The following REV3L variants were observed in gnomAD, a reference collection of about 807,000 sequenced individuals.
The protein encoded by REV3L is DNA polymerase zeta catalytic subunit.
REV3L carries 69 observed loss-of-function variants against 299.4 expected under a neutral mutation model. The observed-to-expected ratio is 0.23, with a 90% CI of 0.19 to 0.28. The LOEUF (loss-of-function observed/expected upper bound fraction) is 0.28. Ranked by LOEUF, REV3L falls within the 10% of genes least tolerant of loss-of-function variation. The pLI is 1.00. For synonymous variants in REV3L, 1,238 were observed against 1,271.4 expected, an observed-to-expected ratio of 0.97 and a Z score of 0.56; for missense variants, 3,128 against 3,693.8, an observed-to-expected ratio of 0.85 and a Z score of 3.97.
chr6:111,376,662 C>T lies in REV3L; in HGVS notation c.1693G>A (p.Ala565Thr), dbSNP rs755421411. Reference sequence around the variant, plus strand: ...GCAGAAGATGAGGGTTCTAATGTAGCAGCATCTTTGTGAAAGATGGAGGGT... The same window carrying T: ...GCAGAAGATGAGGGTTCTAATGTAGTAGCATCTTTGTGAAAGATGGAGGGT... ...VKPSIFHKDA[A>T]TLEPSSSAKI... is the part of the protein sequence containing the mutation. Residue 565 changes from alanine to threonine, a missense_variant, in exon 13 of 32, where the codon GCT becomes ACT. Transcript: ENST00000368802. The T allele has an allele frequency of 6.8e-6, 11 of 1,611,686 alleles. No homozygotes were observed. Among genetic ancestry groups the T allele is most frequent in the Middle Eastern group, 1.6e-4 (1 of 6,080 alleles).
intron 2 of REV3L, among the ~76,000 whole-genome samples, chr6:111,413,242 GATGA>G (rs1226674554): frequency 6.6e-6 from 1 of 152,146 alleles, no homozygotes; most frequent in East Asian, 1.9e-4. Context: ...TCTTCAGCCA[GATGA>G]ATGGTTTTGC....
At chr6:111,426,110 C>A (rs1786146229) in intron 1 of REV3L, among the ~76,000 whole-genome samples, 1 of 152,146 alleles carries the variant, frequency 6.6e-6, no homozygotes, top group African/African-American at 2.4e-5. Context: ...CCTAGGGACT[C>A]CATTTGTGGC....
At chr6:111,355,828 C>G (rs1208730388) in intron 18 of REV3L, among the ~76,000 whole-genome samples, 1 of 152,118 alleles carries the variant, frequency 6.6e-6, no homozygotes, top group Non-Finnish European at 1.5e-5. Context: ...ATGTTGATGA[C>G]AACCTCTGTG....
chr6:111,360,412 TTGAG>T (rs1056674445), intron 16 of REV3L, among the ~76,000 whole-genome samples: 4 of 152,106 alleles, frequency 2.6e-5, no homozygotes, highest in African/African-American at 2.4e-5. Flanking sequence ...TTTGTCCTGA[TTGAG>T]TATTTTTGGT....
At chr6:111,458,527 A>C (rs75135966) in intron 1 of REV3L, among the ~76,000 whole-genome samples, 4,766 of 152,228 alleles carry the variant, frequency 0.031, 106 homozygotes, top group Admixed American at 0.067. Context: ...TCTATACCAG[A>C]AAACTCCGAA....
chr6:111,402,866 GC>G (rs1248711780), intron 4 of REV3L, among the ~76,000 whole-genome samples: 3 of 152,162 alleles, frequency 2.0e-5, no homozygotes, highest in African/African-American at 7.2e-5. Flanking sequence ...AGAAGAAAAG[GC>G]AAAAGATGCT....
rs565500576 is a variant in REV3L, at chr6:111,354,382, A to G, written c.7185-2591T>C. 3.9e-5 allele frequency among the ~76,000 whole-genome samples: 6 copies of G among 152,260 alleles called. No homozygotes were observed. In the South Asian group the frequency reaches 1.2e-3, roughly 31 times the overall value. ...TGAAAATAACTTCGTCTCAGATAAAAAGCTGTCTATTTTTATAAACTGCTA... is the reference window on the plus strand; with the variant it reads ...TGAAAATAACTTCGTCTCAGATAAAGAGCTGTCTATTTTTATAAACTGCTA... On this transcript the variant is annotated intron_variant, in intron 18 of 31. Coordinates refer to ENST00000368802, the MANE Select transcript of REV3L (RefSeq NM_001372078.1).
At chr6:111,402,636 AGAAACCCTC>A (rs1454135059) in intron 4 of REV3L, among the ~76,000 whole-genome samples, 1 of 152,222 alleles carries the variant, frequency 6.6e-6, no homozygotes, top group Non-Finnish European at 1.5e-5. Flanking sequence ...GGCAACAAAA[AGAAACCCTC>A]CCTGGTGACT....
At chr6:111,430,298 C>T (rs762398530) in intron 1 of REV3L, 23 of 1,083,708 alleles carry the variant, frequency 2.1e-5, no homozygotes, top group Middle Eastern at 2.9e-4. Flanking sequence ...TGCTTTCTTT[C>T]ATTTCCTGTG....
chr6:111,357,816 A>G (rs1778251009), intron 17 of REV3L, among the ~76,000 whole-genome samples: 1 of 152,152 alleles, frequency 6.6e-6, no homozygotes, highest in Non-Finnish European at 1.5e-5. Flanking sequence ...TATGATGAAA[A>G]TGCTTAACCA....
intron 19 of REV3L, among the ~76,000 whole-genome samples, chr6:111,351,202 T>A (rs1777533034): frequency 6.6e-6 from 1 of 152,052 alleles, no homozygotes; most frequent in Non-Finnish European, 1.5e-5. Context: ...ACTACTAGTG[T>A]TCCTCAACCC....
chr6:111,467,932 C>T (rs1179559590), intron 1 of REV3L, among the ~76,000 whole-genome samples: 1 of 152,088 alleles, frequency 6.6e-6, no homozygotes, highest in Non-Finnish European at 1.5e-5. Flanking sequence ...AACACACACA[C>T]AATGAAATTA....
chr6:111,387,407 A>G (rs1781454370), intron 9 of REV3L, among the ~76,000 whole-genome samples: 3 of 152,340 alleles, frequency 2.0e-5, no homozygotes, highest in South Asian at 4.1e-4. Context: ...TTTATGTTAT[A>G]TAAATTAAAC....
chr6:111,331,946 T>C (rs552498983), intron 23 of REV3L, among the ~76,000 whole-genome samples, 162 bp from the exon 24 acceptor site: 13 of 152,334 alleles, frequency 8.5e-5, no homozygotes, highest in Non-Finnish European at 1.6e-4. Context: ...ATTACCAAAA[T>C]AGTTTTTCAA....
chr6:111,473,206 T>A (rs6900341), intron 1 of REV3L, among the ~76,000 whole-genome samples: 1 of 148,746 alleles, frequency 6.7e-6, no homozygotes, highest in Non-Finnish European at 1.5e-5. Context: ...CTATTTAGAC[T>A]TGAATCATTT....
chr6:111,357,230 T>C, intron 17 of REV3L, 105 bp from the exon 18 acceptor site: 1 of 370,828 alleles, frequency 2.7e-6, no homozygotes, highest in Non-Finnish European at 4.7e-6. Context: ...ATTGTACTAC[T>C]GAAATATTTC....
chr6:111,367,129 C>T lies in REV3L; in HGVS notation c.6659G>A (p.Ser2220Asn). ...LERLPEAPGL[S>N]PLSTEPKTQK... ...TGTACACTTACCTGTTGATAATGGG[C>T]TAAGGCCAGGTGCTTCAGGAAGCCT... Residue 2220 changes from serine to asparagine, a missense_variant, in exon 14 of 32, where the codon AGC becomes AAC. Coordinates refer to ENST00000368802, the MANE Select transcript of REV3L (RefSeq NM_001372078.1). The T allele has an allele frequency of 1.9e-6, 3 of 1,591,086 alleles. No individual in the cohort carries two copies. The highest frequency in any genetic ancestry group is 2.6e-6 in the Non-Finnish European group (3 of 1,171,822).
intron 1 of REV3L, among the ~76,000 whole-genome samples, chr6:111,428,346 A>G (rs952687818): frequency 6.6e-6 from 1 of 152,186 alleles, no homozygotes; most frequent in African/African-American, 2.4e-5. Context: ...TATTAGAGAA[A>G]TTTAGCAAGG....
At chr6:111,383,280 T>C (rs1162256777) in intron 9 of REV3L, among the ~76,000 whole-genome samples, 1 of 152,094 alleles carries the variant, frequency 6.6e-6, no homozygotes, top group Non-Finnish European at 1.5e-5. Context: ...GTTAGAGTAA[T>C]CAGACAAAAG....
Sources: allele counts gnomAD v4.1 joint callset (sites outside exome capture counted in the v4.1 genomes callset), GRCh38; gene constraint gnomAD v4.1.1; transcripts MANE v1.5; gene names NCBI Gene and HGNC (gene_info 2026-07-23, HGNC 2026-07-21).